UNC5A: variants seen among roughly 807,000 people sequenced by gnomAD.
UNC5A encodes the protein unc-5 netrin receptor A, also known as netrin receptor UNC5A.
UNC5A carries 20 observed loss-of-function variants against 87.4 expected under a neutral mutation model. That is an observed-to-expected ratio of 0.23 (90% CI 0.16 to 0.33). The LOEUF (loss-of-function observed/expected upper bound fraction) is 0.33, where lower values mean the gene tolerates loss of function less well. Ranked by LOEUF, UNC5A falls within the 10% of genes least tolerant of loss-of-function variation. UNC5A has a pLI of 1.00. For missense variants in UNC5A, 844 were observed against 1,133.4 expected, an observed-to-expected ratio of 0.74 and a Z score of 3.67; for synonymous variants, 438 against 482.3, an observed-to-expected ratio of 0.91 and a Z score of 1.20.
At chr5:176,816,123 A>AC (rs1756580189) in intron 1 of UNC5A, among the ~76,000 whole-genome samples, 1 of 152,240 alleles carries the variant, frequency 6.6e-6, no homozygotes, top group Non-Finnish European at 1.5e-5. Flanking sequence ...TAGTATACCC[A>AC]ATGATGCCTA....
intron 1 of UNC5A, among the ~76,000 whole-genome samples, chr5:176,845,109 C>T (rs893369092): frequency 6.6e-6 from 1 of 152,202 alleles, no homozygotes; most frequent in African/African-American, 2.4e-5. Context: ...CCTCCCTCCC[C>T]GCCAGGAGAG....
At position 176,814,343 on chromosome 5, in the gene UNC5A, T is replaced by C. The variant is rs1307392950; in HGVS notation, c.70+3523T>C. On this transcript the variant is annotated intron_variant, in intron 1 of 14. Transcript: ENST00000329542. ...AGCTCTGGGCTGGTCTATCTGGAGG[T>C]CGGGTGCCCTCCCTGGCTCTGACTG... is the stretch of plus-strand genomic sequence containing the variant. Among the ~76,000 whole-genome samples the C allele has an allele frequency of 2.0e-5, 3 of 152,062 alleles. No individual in the cohort carries two copies. In the East Asian group the frequency reaches 5.8e-4, roughly 29 times the overall value.
chr5:176,877,927 C>A lies in UNC5A; in HGVS notation c.1669C>A (p.His557Asn). ...GCACCTGGGCGAGGAGGCGCCCTCC[C>A]ACCTCTACTACTGCCAGCTGGAGGC... ...VLHLGEEAPS[H>N]LYYCQLEASA... is the part of the protein sequence containing the mutation. Residue 557 changes from histidine to asparagine, a missense_variant, in exon 11 of 15, where the codon CAC (histidine) becomes AAC (asparagine). By Grantham distance (68) the His-to-Asn change is moderately conservative. Transcript: ENST00000329542. The A allele has an allele frequency of 6.2e-7, 1 of 1,603,208 alleles. No homozygotes were observed.
chr5:176,843,399 A>G (rs1581256538), intron 1 of UNC5A, among the ~76,000 whole-genome samples: 1 of 151,324 alleles, frequency 6.6e-6, no homozygotes, highest in African/African-American at 2.4e-5. Flanking sequence ...TTGCGGTGAC[A>G]TTCTAGAAAT....
intron 1 of UNC5A, among the ~76,000 whole-genome samples, chr5:176,850,517 G>A (rs1315356541): frequency 6.6e-6 from 1 of 152,142 alleles, no homozygotes; most frequent in Non-Finnish European, 1.5e-5. Context: ...GACTGCAAGA[G>A]GCAGAAGGAG....
chr5:176,853,963 C>T (rs1244462228), intron 1 of UNC5A, among the ~76,000 whole-genome samples: 1 of 152,214 alleles, frequency 6.6e-6, no homozygotes, highest in African/African-American at 2.4e-5. Flanking sequence ...CAAATGAGAA[C>T]AATGAGGCTC....
chr5:176,831,829 A>T (rs372570800), intron 1 of UNC5A, among the ~76,000 whole-genome samples: 1 of 149,914 alleles, frequency 6.7e-6, no homozygotes, highest in East Asian at 2.0e-4. Flanking sequence ...GTCCCTCCTC[A>T]GGTACCAACC....
intron 1 of UNC5A, among the ~76,000 whole-genome samples, chr5:176,839,329 T>C (rs551462903): frequency 9.8e-5 from 15 of 152,370 alleles, no homozygotes; most frequent in Non-Finnish European, 7.3e-5. Context: ...GAAGATGAAC[T>C]GAAAGCCAGG....
At position 176,844,612 on chromosome 5, in the gene UNC5A, CTTCCAATTCTTCAACAGGA is replaced by C. The variant is rs1470644291; in HGVS notation, c.71-18011_71-17993del. On this transcript the variant is annotated intron_variant, in intron 1 of 14. Transcript: ENST00000329542. This position sits in a 1 kb window ranked among gnomAD's most constrained non-coding sequence, Gnocchi z 4.2. ...GGAGCATGGGCTGGTGTGACCCTGG[CTTCCAATTCTTCAACAGGA>C]GGTGGGAAACCATTGTTTCTGTGCA... 2.0e-5 allele frequency among the ~76,000 whole-genome samples: 3 copies of C among 152,212 alleles called. No individual in the cohort carries two copies. The highest frequency in any genetic ancestry group is 1.3e-4 in the Admixed American group (2 of 15,288).
In UNC5A at chr5:176,859,497, C is replaced by T. The variant is rs113002473; in HGVS notation, c.71-3127C>T. Among the ~76,000 whole-genome samples the T allele has an allele frequency of 6.7e-3, 633 of 95,160 alleles. 17 individuals carry two copies. The highest frequency in any genetic ancestry group is 0.028 in the African/African-American group (579 of 20,900). 62.4% of individuals were successfully genotyped at this position (95,160 alleles called of 152,430 possible). ...GCTAGAGGGCATAGCTGCTAGAATG[C>T]CCTTGCTAGAGGGCATAGCTGCTAG... is the stretch of plus-strand genomic sequence containing the variant. On this transcript the variant is annotated intron_variant, in intron 1 of 14. Transcript: ENST00000329542.
chr5:176,828,026 C>A (rs551307367), intron 1 of UNC5A, among the ~76,000 whole-genome samples: 1 of 152,048 alleles, frequency 6.6e-6, no homozygotes, highest in African/African-American at 2.4e-5. Context: ...TCAGCCCTCT[C>A]GGACCCTGTG....
Position 176,847,747 on chromosome 5 carries a change from A to G in UNC5A, c.71-14877A>G, listed in dbSNP as rs189752224. 7.2e-4 allele frequency among the ~76,000 whole-genome samples: 110 copies of G among 152,214 alleles called. 1 individual carries two copies. The highest frequency in any genetic ancestry group is 6.8e-3 in the Middle Eastern group (2 of 294). On this transcript the variant is annotated intron_variant, in intron 1 of 14. Coordinates refer to ENST00000329542, the MANE Select transcript of UNC5A (RefSeq NM_133369.3). ...TTATTAAGATTTAAATATTCATGCA[A>G]TTATTAGTGATTTATTAAGAGCCAA...
rs1480077174 is a variant in UNC5A at position 176,848,808 on chromosome 5, G to C, written c.71-13816G>C. On this transcript the variant is annotated intron_variant, in intron 1 of 14. Transcript: ENST00000329542. This position sits in a 1 kb window ranked among gnomAD's most constrained non-coding sequence, Gnocchi z 5.8. The stretch of plus-strand genomic sequence containing the variant: ...CACACAAGATGGGCAGCCGCGGCCT[G>C]GGCCCTGCGCGTCTCGGGATTGCAG... 6.6e-6 allele frequency among the ~76,000 whole-genome samples: 1 copy of C among 152,174 alleles called. No homozygotes were observed. The highest frequency in any genetic ancestry group is 1.9e-4 in the East Asian group (1 of 5,194).
chr5:176,835,140 C>T (rs1757121767), intron 1 of UNC5A, among the ~76,000 whole-genome samples: 1 of 152,274 alleles, frequency 6.6e-6, no homozygotes, highest in Admixed American at 6.5e-5. Context: ...CTTAAAGTGC[C>T]ATGTGTTCTC....
chr5:176,870,166 G>A (rs1581274785), intron 5 of UNC5A, among the ~76,000 whole-genome samples: 2 of 152,154 alleles, frequency 1.3e-5, no homozygotes, highest in African/African-American at 2.4e-5. Context: ...GGCGTCATCC[G>A]CGCCTCCCTG....
chr5:176,879,372 C>T lies in UNC5A; in HGVS notation c.2247C>T (p.Gly749=), dbSNP rs754301807. 29 of 1,612,902 alleles carry T rather than the reference C, an allele frequency of 1.8e-5. No homozygotes were observed. Among genetic ancestry groups the T allele is most frequent in the African/African-American group, 9.3e-5 (7 of 74,910 alleles). ...ESEAGVPALV[G]PSAFKIPFLI... ...AAGCGGGGGTCCCAGCCCTGGTGGG[C>T]CCCAGTGCCTTCAAGATCCCCTTCC... Residue 749 remains glycine (G), a synonymous_variant, in exon 14 of 15, where the codon GGC becomes GGT. Transcript: ENST00000329542.
At chr5:176,852,862 G>A in intron 1 of UNC5A, among the ~76,000 whole-genome samples, 1 of 152,268 alleles carries the variant, frequency 6.6e-6, no homozygotes, top group East Asian at 1.9e-4. Context: ...TAGGCCCTGT[G>A]CCTGGTGCTG....
chr5:176,826,636 CTTTTTTTTTTTT>C (rs34466725), intron 1 of UNC5A, among the ~76,000 whole-genome samples: 1 of 72,744 alleles, frequency 1.4e-5, no homozygotes, highest in African/African-American at 4.5e-5. Context: ...AGTTTCCAAA[CTTTTTTTTTTTT>C]TTTTTTTTTT....
In UNC5A at chr5:176,848,155, C is replaced by T. The variant is rs529738738; in HGVS notation, c.71-14469C>T. The stretch of plus-strand genomic sequence containing the variant: ...GCTGGTTTCCTAGAGCACCCCTCCC[C>T]GCCTCATTTCCACGTTAGCACCACC... On this transcript the variant is annotated intron_variant, in intron 1 of 14. Coordinates refer to ENST00000329542, the MANE Select transcript of UNC5A (RefSeq NM_133369.3). This position sits in a 1 kb window ranked among gnomAD's most constrained non-coding sequence, Gnocchi z 5.8. Among the ~76,000 whole-genome samples, 12 of 152,228 alleles carry T rather than the reference C, an allele frequency of 7.9e-5. No homozygotes were observed. The highest frequency in any genetic ancestry group is 1.7e-4 in the African/African-American group (7 of 41,526).
Sources: gnomAD v4.1 joint callset for allele counts (sites outside exome capture counted in the v4.1 genomes callset) on GRCh38, gnomAD v4.1.1 for gene constraint, Gnocchi (gnomAD v3.1) non-coding constraint, MANE v1.5 for transcripts, NCBI Gene and HGNC (gene_info 2026-07-23, HGNC 2026-07-21) for gene names.